The following ANKRD44 variants were observed in gnomAD, a reference collection of about 807,000 sequenced individuals.
The protein encoded by ANKRD44 is serine/threonine-protein phosphatase 6 regulatory ankyrin repeat subunit B.
Under a neutral mutation model 116.0 loss-of-function variants are expected in ANKRD44, and 35 were observed. That is an observed-to-expected ratio of 0.30 (90% CI 0.23 to 0.40). The LOEUF is 0.40. ANKRD44 is among the 10% of genes least tolerant of loss of function. The pLI is 1.00. For missense variants in ANKRD44, 1,014 were observed against 1,242.6 expected (o/e 0.82, Z 2.77); for synonymous variants, 435 against 461.8 (o/e 0.94, Z 0.74).
intron 16 of ANKRD44, among the ~76,000 whole-genome samples, chr2:197,033,037 A>C (rs1245820486): frequency 7.0e-6 from 1 of 141,958 alleles, no homozygotes; most frequent in Non-Finnish European, 1.6e-5. Context: ...GGCTGGATAT[A>C]AGGTGGTAGG....
chr2:197,194,985 T>TG (rs1188277222), intron 1 of ANKRD44, among the ~76,000 whole-genome samples: 1 of 152,062 alleles, frequency 6.6e-6, no homozygotes, highest in Non-Finnish European at 1.5e-5. Flanking sequence ...AATAACTGGG[T>TG]GGGGGGAGCA....
chr2:197,224,020 A>G (rs2081644856), intron 1 of ANKRD44, among the ~76,000 whole-genome samples: 1 of 152,228 alleles, frequency 6.6e-6, no homozygotes, highest in African/African-American at 2.4e-5. Context: ...TTTTAAAAAG[A>G]AATTTCCATC....
At chr2:197,014,273 T>C (rs914609072) in intron 17 of ANKRD44, among the ~76,000 whole-genome samples, 2 of 152,364 alleles carry the variant, frequency 1.3e-5, no homozygotes, top group Admixed American at 6.5e-5. Context: ...TGTTTCTTCA[T>C]GTATAAGATG....
rs533142035 is a variant in ANKRD44 at position 197,040,170 on chromosome 2, T to C, written c.1651-14903A>G. Among the ~76,000 whole-genome samples, 370 of 150,044 alleles carry C rather than the reference T, an allele frequency of 2.5e-3. 2 individuals carry two copies. The highest frequency in any genetic ancestry group is 8.1e-3 in the African/African-American group (331 of 40,780). ...AGGAGAATCACTTGAACCCAGGAGG[T>C]AGAGGTTGCATTGAGCTGAGATCAC... is the stretch of plus-strand genomic sequence containing the variant. On this transcript the variant is annotated intron_variant, in intron 16 of 27. Coordinates refer to ENST00000282272, the MANE Select transcript of ANKRD44 (RefSeq NM_001195144.2).
In ANKRD44 at chr2:196,988,713, A is replaced by G. The variant is rs1194177564; in HGVS notation, c.*878T>C. ...AACTCATTATAAAACGTCAGAGAGT[A>G]CTGCTCTAATTCGACACATTTCTTT... On this transcript the variant is annotated 3_prime_UTR_variant, in exon 28 of 28. Transcript: ENST00000282272. 4 of 985,430 alleles carry G rather than the reference A, an allele frequency of 4.1e-6. No homozygotes were observed. Among genetic ancestry groups the G allele is most frequent in the Non-Finnish European group, 3.6e-6 (3 of 829,910 alleles). 61.0% of individuals were successfully genotyped at this position (985,430 alleles called of 1,614,324 possible). A position where few individuals can be genotyped will look rare whatever the true frequency, so the allele number is the denominator to read the frequency against.
chr2:196,985,235 C>T (rs1462280211), downstream of ANKRD44, among the ~76,000 whole-genome samples: 2 of 152,194 alleles, frequency 1.3e-5, no homozygotes, highest in African/African-American at 2.4e-5. Context: ...CCCAGGCCAA[C>T]ACCATGATTA....
At chr2:197,176,441 C>G (rs2080366446) in intron 2 of ANKRD44, among the ~76,000 whole-genome samples, 1 of 152,138 alleles carries the variant, frequency 6.6e-6, no homozygotes, top group Non-Finnish European at 1.5e-5. Flanking sequence ...GGTTAATTGG[C>G]TTGCTCAAGG....
intron 16 of ANKRD44, among the ~76,000 whole-genome samples, chr2:197,066,446 C>T (rs1231742760): frequency 1.3e-5 from 2 of 152,132 alleles, no homozygotes. Flanking sequence ...CCAGGGCAAT[C>T]AGGCAGGAGA....
At chr2:197,285,381 A>G (rs988438959) in intron 1 of ANKRD44, among the ~76,000 whole-genome samples, 4 of 152,164 alleles carry the variant, frequency 2.6e-5, no homozygotes, top group Non-Finnish European at 4.4e-5. Flanking sequence ...ATCAAAACAC[A>G]GTAGCCTGCC....
intron 10 of ANKRD44, among the ~76,000 whole-genome samples, chr2:197,095,384 C>T (rs1386872409): frequency 6.6e-6 from 1 of 152,218 alleles, no homozygotes; most frequent in East Asian, 1.9e-4. Context: ...AATCCAGTAC[C>T]TGAGCCTTCC....
At chr2:197,076,963 C>T (rs1029023525) in intron 16 of ANKRD44, among the ~76,000 whole-genome samples, 1 of 152,150 alleles carries the variant, frequency 6.6e-6, no homozygotes, top group African/African-American at 2.4e-5. Flanking sequence ...CTGCAATGAA[C>T]ATACATATGC....
At chr2:197,083,956 C>T (rs1303811172) in intron 13 of ANKRD44, among the ~76,000 whole-genome samples, 1 of 152,108 alleles carries the variant, frequency 6.6e-6, no homozygotes, top group Non-Finnish European at 1.5e-5. Context: ...TAGTTCAGGT[C>T]TATGTTATTG....
At chr2:197,277,662 A>G (rs1052525390) in intron 1 of ANKRD44, among the ~76,000 whole-genome samples, 3 of 152,178 alleles carry the variant, frequency 2.0e-5, no homozygotes, top group Admixed American at 6.5e-5. Context: ...ATAGAGCTTA[A>G]CCACGCAGCT....
intron 21 of ANKRD44, among the ~76,000 whole-genome samples, chr2:196,977,945 A>T (rs2075772076): frequency 6.6e-6 from 1 of 152,224 alleles, no homozygotes; most frequent in Admixed American, 6.5e-5. Context: ...AAAGTAAAAA[A>T]ACAAAAACAA....
intron 16 of ANKRD44, among the ~76,000 whole-genome samples, chr2:197,069,481 C>T (rs1394191897): frequency 6.6e-6 from 1 of 152,054 alleles, no homozygotes; most frequent in Non-Finnish European, 1.5e-5. Context: ...TGCTGAATTG[C>T]TTTTCCACCT....
At chr2:197,308,343 T>C (rs1002874009) in intron 1 of ANKRD44, among the ~76,000 whole-genome samples, 5 of 152,184 alleles carry the variant, frequency 3.3e-5, no homozygotes, top group African/African-American at 9.7e-5. Flanking sequence ...CAAATGGTTT[T>C]AAAAGTTAAT....
intron 8 of ANKRD44, among the ~76,000 whole-genome samples, chr2:197,117,718 T>C (rs2078746474): frequency 6.6e-6 from 1 of 152,122 alleles, no homozygotes; most frequent in Non-Finnish European, 1.5e-5. Flanking sequence ...CTCCAGTTCA[T>C]GTCCCACCAA....
intron 9 of ANKRD44, among the ~76,000 whole-genome samples, chr2:197,106,150 A>G (rs535732323): frequency 2.0e-5 from 3 of 152,308 alleles, no homozygotes; most frequent in African/African-American, 7.2e-5. Context: ...CTGTAAAAAT[A>G]TAGATAACTG....
chr2:197,119,216 T>C (rs568591221), intron 8 of ANKRD44, among the ~76,000 whole-genome samples: 3 of 152,224 alleles, frequency 2.0e-5, no homozygotes, highest in East Asian at 1.9e-4. Flanking sequence ...CCTTTTTTTT[T>C]CCTGCCTTTG....
Sources: allele counts gnomAD v4.1 joint callset (sites outside exome capture counted in the v4.1 genomes callset), GRCh38; gene constraint gnomAD v4.1.1; transcripts MANE v1.5; gene names NCBI Gene and HGNC (gene_info 2026-07-23, HGNC 2026-07-21).